The following BTBD9 variants were observed in gnomAD, a reference collection of about 807,000 sequenced individuals.
BTBD9 encodes the protein BTB domain containing 9.
In BTBD9, 49 loss-of-function variants were observed where a neutral mutation model predicts 64.3. That is an observed-to-expected ratio of 0.76 (90% confidence interval 0.61 to 0.97). The LOEUF (loss-of-function observed/expected upper bound fraction) is 0.97, where lower values mean the gene tolerates loss of function less well. Among genes scored for constraint, BTBD9 ranks in the 50% least tolerant of loss-of-function variants. The pLI is 0.00. For missense variants in BTBD9, 598 were observed against 762.1 expected, an observed-to-expected ratio of 0.78 and a Z score of 2.53; for synonymous variants, 260 against 274.7, an observed-to-expected ratio of 0.95 and a Z score of 0.53.
At chr6:38,493,271 G>A (rs1211850848) in intron 6 of BTBD9, among the ~76,000 whole-genome samples, 5 of 152,168 alleles carry the variant, frequency 3.3e-5, no homozygotes, top group East Asian at 1.9e-4. Flanking sequence ...AGATGCAGGC[G>A]GCCAGAAACG....
chr6:38,551,384 G>C (rs1193601033), intron 6 of BTBD9, among the ~76,000 whole-genome samples: 1 of 152,180 alleles, frequency 6.6e-6, no homozygotes, highest in Admixed American at 6.5e-5. Context: ...GAAGCAGTTT[G>C]GTTTGGTTGG....
intron 9 of BTBD9, among the ~76,000 whole-genome samples, chr6:38,210,384 C>T (rs979172958): frequency 2.6e-5 from 4 of 152,272 alleles, no homozygotes; most frequent in African/African-American, 7.2e-5. Flanking sequence ...CATAAACAGA[C>T]TCTGGGGCCA....
chr6:38,537,774 A>G (rs1774086382), intron 6 of BTBD9, among the ~76,000 whole-genome samples: 1 of 152,160 alleles, frequency 6.6e-6, no homozygotes, highest in Admixed American at 6.5e-5. Context: ...TACACTTTCC[A>G]TTTTCCTTTG....
At chr6:38,402,985 AT>A in intron 6 of BTBD9, 1 of 444,236 alleles carries the variant, frequency 2.3e-6, no homozygotes, top group Non-Finnish European at 4.3e-6. Context: ...AGGTGGGAGA[AT>A]TGCTTAAGCC....
In BTBD9 at chr6:38,172,106, A is replaced by G. The variant is rs895345133; in HGVS notation, c.*2879T>C. On this transcript the variant is annotated 3_prime_UTR_variant, in exon 11 of 11. Transcript: ENST00000481247. ...TGTTGCCCCTGGGGCTGGCCTGGGC[A>G]TGGGGGAGCTTATCTCCCCGACCAG... The G allele has an allele frequency of 7.2e-5, 11 of 152,250 alleles. No individual in the cohort carries two copies. Among genetic ancestry groups the G allele is most frequent in the African/African-American group, 2.7e-4 (11 of 41,414 alleles). 9.4% of individuals were successfully genotyped at this position (152,250 alleles called of 1,614,324 possible). A position where few individuals can be genotyped will look rare whatever the true frequency, so the allele number is the denominator to read the frequency against.
chr6:38,212,556 A>G (rs1287138405), intron 9 of BTBD9, among the ~76,000 whole-genome samples: 1 of 152,168 alleles, frequency 6.6e-6, no homozygotes, highest in African/African-American at 2.4e-5. Context: ...AAAAATAACA[A>G]AAACCAGGGT....
intron 6 of BTBD9, among the ~76,000 whole-genome samples, chr6:38,441,343 T>C (rs1769020247): frequency 6.6e-6 from 1 of 152,132 alleles, no homozygotes; most frequent in Non-Finnish European, 1.5e-5. Flanking sequence ...GGGAGGTGGT[T>C]GCAGGAGACT....
chr6:38,552,764 A>T (rs1442814135), intron 6 of BTBD9, among the ~76,000 whole-genome samples: 3 of 152,078 alleles, frequency 2.0e-5, no homozygotes, highest in Non-Finnish European at 4.4e-5. Context: ...GAAAAAAAAA[A>T]AAAAGAAAGA....
chr6:38,441,846 T>G (rs138084190), intron 6 of BTBD9, among the ~76,000 whole-genome samples: 15 of 152,292 alleles, frequency 9.8e-5, no homozygotes, highest in South Asian at 8.3e-4. Flanking sequence ...GTGGATGTTA[T>G]CAACAGTCCA....
chr6:38,481,121 A>AC lies in BTBD9; in HGVS notation c.1154+96478_1154+96479insG, dbSNP rs1226578308. The stretch of plus-strand genomic sequence containing the variant: ...AGGGAGAGGCAAAACAGAAAGGTTT[A>AC]TTCTAACGTGAGAGGAGCCCATGAT... On this transcript the variant is annotated intron_variant, in intron 6 of 10. Coordinates refer to ENST00000481247, the MANE Select transcript of BTBD9 (RefSeq NM_001099272.2). Among the ~76,000 whole-genome samples, 1,065 of 152,336 alleles carry AC rather than the reference A, an allele frequency of 7.0e-3. 11 individuals are homozygous for AC. Among genetic ancestry groups the AC allele is most frequent in the African/African-American group, 0.023 (962 of 41,564 alleles).
intron 9 of BTBD9, among the ~76,000 whole-genome samples, chr6:38,201,166 T>C (rs1310334050): frequency 1.3e-5 from 2 of 152,064 alleles, no homozygotes; most frequent in East Asian, 3.9e-4. Flanking sequence ...GCCAATATCC[T>C]CAATGAACAC....
intron 6 of BTBD9, among the ~76,000 whole-genome samples, chr6:38,387,455 T>C (rs1200407688): frequency 6.6e-6 from 1 of 152,164 alleles, no homozygotes; most frequent in Admixed American, 6.5e-5. Flanking sequence ...GAGAATTGCT[T>C]GAGCCTGGGA....
At chr6:38,539,770 C>G (rs1290125977) in intron 6 of BTBD9, among the ~76,000 whole-genome samples, 1 of 151,868 alleles carries the variant, frequency 6.6e-6, no homozygotes, top group Non-Finnish European at 1.5e-5. Flanking sequence ...GAAAGTAAAC[C>G]AATTGTAAGA....
intron 6 of BTBD9, among the ~76,000 whole-genome samples, chr6:38,389,778 T>C (rs2127621448): frequency 6.6e-6 from 1 of 152,358 alleles, no homozygotes; most frequent in Non-Finnish European, 1.5e-5. Flanking sequence ...GAACTGTGAA[T>C]ATTAAACTAT....
chr6:38,385,483 C>A lies in BTBD9; in HGVS notation c.1155-40390G>T, dbSNP rs1766115975. The stretch of plus-strand genomic sequence containing the variant: ...AGGATTATAGGCGTGAGCCACCACA[C>A]CCGGCCCTTTATGTACTTTTGATAT... On this transcript the variant is annotated intron_variant, in intron 6 of 10. Coordinates refer to ENST00000481247, the MANE Select transcript of BTBD9 (RefSeq NM_001099272.2). Among the ~76,000 whole-genome samples, 3 of 152,120 alleles carry A rather than the reference C, an allele frequency of 2.0e-5. No individual in the cohort carries two copies. The South Asian group carries it at 6.2e-4, about 31-fold the overall frequency.
intron 9 of BTBD9, among the ~76,000 whole-genome samples, chr6:38,249,555 A>G (rs539751024): frequency 6.6e-6 from 1 of 152,072 alleles, no homozygotes; most frequent in South Asian, 2.1e-4. Flanking sequence ...AGTCTTTTCA[A>G]CTAAATGTTT....
At chr6:38,426,285 C>T (rs992214034) in intron 6 of BTBD9, among the ~76,000 whole-genome samples, 1 of 151,900 alleles carries the variant, frequency 6.6e-6, no homozygotes, top group Non-Finnish European at 1.5e-5. Flanking sequence ...CACTAAAATG[C>T]TAATTAGGCA....
At chr6:38,613,853 T>C (rs1245489048) in intron 1 of BTBD9, among the ~76,000 whole-genome samples, 1 of 152,186 alleles carries the variant, frequency 6.6e-6, no homozygotes, top group South Asian at 2.1e-4. Flanking sequence ...TCTTTGGCTT[T>C]TGTTAATCTC....
At chr6:38,233,293 C>T (rs1763674857) in intron 9 of BTBD9, among the ~76,000 whole-genome samples, 2 of 152,152 alleles carry the variant, frequency 1.3e-5, no homozygotes, top group South Asian at 4.1e-4. Context: ...CATTTTTAAG[C>T]TCCTACTACA....
Sources: gnomAD v4.1 joint callset for allele counts (sites outside exome capture counted in the v4.1 genomes callset) on GRCh38, gnomAD v4.1.1 for gene constraint, MANE v1.5 for transcripts, NCBI Gene and HGNC (gene_info 2026-07-23, HGNC 2026-07-21) for gene names.